The following SEMA5A variants were observed in gnomAD, a reference collection of about 807,000 sequenced individuals.
SEMA5A encodes the protein semaphorin-5A.
SEMA5A carries 55 observed loss-of-function variants against 135.5 expected under a neutral mutation model. The observed-to-expected ratio is 0.41, with a 90% CI of 0.33 to 0.51. SEMA5A has a LOEUF of 0.51. SEMA5A is among the 20% of genes least tolerant of loss of function. SEMA5A has a pLI of 0.37. For synonymous variants in SEMA5A, 580 were observed against 546.5 expected (o/e 1.06, Z -0.85); for missense variants, 1,290 against 1,419.9 (o/e 0.91, Z 1.47).
chr5:9,426,820 C>A (rs1293731269), intron 2 of SEMA5A, among the ~76,000 whole-genome samples: 1 of 152,034 alleles, frequency 6.6e-6, no homozygotes, highest in African/African-American at 2.4e-5. Flanking sequence ...AAATGAGAGT[C>A]AAAGTTAGAA....
In SEMA5A at chr5:9,040,883, G is replaced by A. The variant is rs1012203644; in HGVS notation, c.*2014C>T. On this transcript the variant is annotated 3_prime_UTR_variant, in exon 23 of 23. Coordinates refer to ENST00000382496, the MANE Select transcript of SEMA5A (RefSeq NM_003966.3). The stretch of plus-strand genomic sequence containing the variant: ...AAATAACTAAAATGTGCTACAAAGT[G>A]AAAATGTTTTTTTCTTACAAGAAAC... 6.6e-6 allele frequency: 1 copy of A among 152,200 alleles called. No homozygotes were observed. The highest frequency in any genetic ancestry group is 2.4e-5 in the African/African-American group (1 of 41,444). 9.4% of individuals were successfully genotyped at this position (152,200 alleles called of 1,614,324 possible).
intron 3 of SEMA5A, among the ~76,000 whole-genome samples, chr5:9,369,780 C>CAAAA (rs538148385): frequency 2.3e-5 from 3 of 132,492 alleles, no homozygotes; most frequent in Non-Finnish European, 3.3e-5. Context: ...CAGAACAAAC[C>CAAAA]AAAAAAAAAA....
chr5:9,525,311 C>T (rs185655134), intron 1 of SEMA5A, among the ~76,000 whole-genome samples: 83 of 152,294 alleles, frequency 5.4e-4, no homozygotes, highest in Admixed American at 5.2e-3. Flanking sequence ...TTTGCTGATC[C>T]CTGATTTAAC....
chr5:9,044,556 C>T lies in SEMA5A; in HGVS notation c.2922G>A (p.Val974=), dbSNP rs747301772. The change falls in exon 22 of 23, where the codon GTG becomes GTA. Residue 974 remains valine (V), a synonymous_variant. Transcript: ENST00000382496. The part of the protein sequence containing the change: ...GEFNMFHMIA[V]GLSSSILGCL... Reference sequence around the variant, plus strand: ...AGCCGAGGATGGAGCTGCTCAGCCCCACGGCGATCATGTGGAACATGTTGA... The same window carrying T: ...AGCCGAGGATGGAGCTGCTCAGCCCTACGGCGATCATGTGGAACATGTTGA... 6.2e-7 allele frequency: 1 copy of T among 1,613,966 alleles called. No homozygotes were observed. Among genetic ancestry groups the T allele is most frequent in the Non-Finnish European group, 8.5e-7 (1 of 1,180,020 alleles).
chr5:9,525,706 C>T (rs57331256), intron 1 of SEMA5A, among the ~76,000 whole-genome samples: 4,560 of 152,294 alleles, frequency 0.03, 200 homozygotes, highest in African/African-American at 0.1. Context: ...TGCTAAAATC[C>T]TCACATGAAG....
In SEMA5A at chr5:9,167,463, A is replaced by T. The variant is rs1319169128; in HGVS notation, c.1274-12768T>A. Among the ~76,000 whole-genome samples, 4 of 152,134 alleles carry T rather than the reference A, an allele frequency of 2.6e-5. No homozygotes were observed. In the East Asian group the frequency reaches 7.7e-4, roughly 29 times the overall value. ...TGGCTAGGATGGAATAGTCAATATGACTATCCTACTGTTCAGCTTCATCTC... is the reference window on the plus strand; with the variant it reads ...TGGCTAGGATGGAATAGTCAATATGTCTATCCTACTGTTCAGCTTCATCTC... On this transcript the variant is annotated intron_variant, in intron 11 of 22. Coordinates refer to ENST00000382496, the MANE Select transcript of SEMA5A (RefSeq NM_003966.3).
intron 5 of SEMA5A, among the ~76,000 whole-genome samples, chr5:9,284,814 C>T (rs1750713907): frequency 6.6e-6 from 1 of 152,190 alleles, no homozygotes; most frequent in Non-Finnish European, 1.5e-5. Context: ...TAATAAATAG[C>T]TCTCCTTGTG....
chr5:9,359,467 A>G (rs532666621), intron 3 of SEMA5A, among the ~76,000 whole-genome samples: 1 of 152,172 alleles, frequency 6.6e-6, no homozygotes, highest in Non-Finnish European at 1.5e-5. Flanking sequence ...CCTTTATAAC[A>G]TAATGGCCAG....
chr5:9,292,356 C>T (rs1293287859), intron 5 of SEMA5A, among the ~76,000 whole-genome samples: 1 of 152,090 alleles, frequency 6.6e-6, no homozygotes, highest in Non-Finnish European at 1.5e-5. Context: ...AATCTAAAAC[C>T]TTAAGGAAAA....
chr5:9,086,395 G>T (rs1738691495), intron 16 of SEMA5A, among the ~76,000 whole-genome samples: 1 of 150,816 alleles, frequency 6.6e-6, no homozygotes, highest in Non-Finnish European at 1.5e-5. Flanking sequence ...ATGGAGGTGG[G>T]TTTTTTTCCT....
intron 11 of SEMA5A, among the ~76,000 whole-genome samples, chr5:9,180,599 A>T (rs1371206228): frequency 6.6e-6 from 1 of 152,144 alleles, no homozygotes; most frequent in Non-Finnish European, 1.5e-5. Context: ...ATTGAGTGAG[A>T]TAATTCTCAG....
At chr5:9,337,376 C>T (rs1243160686) in intron 4 of SEMA5A, among the ~76,000 whole-genome samples, 2 of 152,166 alleles carry the variant, frequency 1.3e-5, no homozygotes, top group Non-Finnish European at 2.9e-5. Flanking sequence ...CCCCGGACAA[C>T]TTATTTATCT....
At position 9,168,709 on chromosome 5, in the gene SEMA5A, C is replaced by T. The variant is rs539393913; in HGVS notation, c.1274-14014G>A. On this transcript the variant is annotated intron_variant, in intron 11 of 22. Coordinates refer to ENST00000382496, the MANE Select transcript of SEMA5A (RefSeq NM_003966.3). ...TGCATGATAAATAGTGTGATTCTTG[C>T]TTGACAGATGCAAAATCTGAGGCTC... 7.2e-5 allele frequency among the ~76,000 whole-genome samples: 11 copies of T among 152,338 alleles called. No homozygotes were observed. In the South Asian group the frequency reaches 8.3e-4, roughly 11 times the overall value.
At chr5:9,362,299 T>G (rs1252310180) in intron 3 of SEMA5A, among the ~76,000 whole-genome samples, 1 of 152,064 alleles carries the variant, frequency 6.6e-6, no homozygotes, top group Non-Finnish European at 1.5e-5. Context: ...TGACCTCTCT[T>G]TTTTATTTCT....
At chr5:9,202,369 T>TTTTTGATGATGC in intron 8 of SEMA5A, 129 bp from the exon 9 acceptor site, 2 of 879,042 alleles carry the variant, frequency 2.3e-6, no homozygotes, top group Non-Finnish European at 1.7e-6. Flanking sequence ...ATAGGACTAT[T>TTTTTGATGATGC]GGGAGGCCCC....
At chr5:9,075,282 A>G (rs1158213745) in intron 16 of SEMA5A, among the ~76,000 whole-genome samples, 1 of 152,212 alleles carries the variant, frequency 6.6e-6, no homozygotes, top group Non-Finnish European at 1.5e-5. Flanking sequence ...CTAAGAAGTC[A>G]AACGTATACA....
chr5:9,305,694 C>T (rs1208152944), intron 5 of SEMA5A, among the ~76,000 whole-genome samples: 1 of 104,652 alleles, frequency 9.6e-6, no homozygotes, highest in Non-Finnish European at 2.0e-5. Context: ...AGTATATATA[C>T]TGTGTGTGTG....
In SEMA5A at chr5:9,323,264, G is replaced by A. The variant is rs373950577; in HGVS notation, c.225-4847C>T. Among the ~76,000 whole-genome samples, 7 of 152,256 alleles carry A rather than the reference G, an allele frequency of 4.6e-5. No individual in the cohort carries two copies. In the East Asian group the frequency reaches 9.6e-4, roughly 21 times the overall value. On this transcript the variant is annotated intron_variant, in intron 4 of 22. Transcript: ENST00000382496. ...TACACATTGCCTAACTAAGTTCTAC[G>A]AATAAATGGCCATTCAACAAAAGTA...
At chr5:9,505,455 A>G (rs1343210886) in intron 1 of SEMA5A, among the ~76,000 whole-genome samples, 2 of 152,326 alleles carry the variant, frequency 1.3e-5, no homozygotes, top group African/African-American at 2.4e-5. Flanking sequence ...TACAGCCTGG[A>G]TGTTTTGGAA....
Sources: gnomAD v4.1 joint callset for allele counts (sites outside exome capture counted in the v4.1 genomes callset) on GRCh38, gnomAD v4.1.1 for gene constraint, MANE v1.5 for transcripts, NCBI Gene and HGNC (gene_info 2026-07-23, HGNC 2026-07-21) for gene names.